Variants in CSMD1 observed in about 807,000 individuals in gnomAD.
The protein encoded by CSMD1 is CUB and sushi domain-containing protein 1.
A neutral mutation model predicts 417.5 loss-of-function variants in CSMD1; 213 were observed. The observed-to-expected ratio is 0.51, with a 90% CI of 0.46 to 0.57. The LOEUF is 0.57. Among genes scored for constraint, CSMD1 ranks in the 20% least tolerant of loss-of-function variants. The pLI, the probability that CSMD1 is intolerant of heterozygous loss-of-function variation, is 0.00. For synonymous variants in CSMD1, 2,862 were observed against 1,736.8 expected, an observed-to-expected ratio of 1.65 and a Z score of -16.11; for missense variants, 6,923 against 4,529.7, an observed-to-expected ratio of 1.53 and a Z score of -15.17.
intron 1 of CSMD1, among the ~76,000 whole-genome samples, chr8:4,892,104 T>G (rs1488404836): frequency 1.3e-5 from 2 of 152,098 alleles, no homozygotes; most frequent in Non-Finnish European, 2.9e-5. Context: ...GCTATTTTCT[T>G]CCTCTCTGTC....
At chr8:3,147,018 A>C (rs543487251) in intron 40 of CSMD1, among the ~76,000 whole-genome samples, 5 of 152,250 alleles carry the variant, frequency 3.3e-5, no homozygotes, top group Admixed American at 2.0e-4. Context: ...AGAAGGGGCA[A>C]TAACGTCTTA....
At chr8:4,169,409 G>A (rs569515875) in intron 3 of CSMD1, among the ~76,000 whole-genome samples, 6 of 152,158 alleles carry the variant, frequency 3.9e-5, no homozygotes, top group South Asian at 2.1e-4. Flanking sequence ...GTAAATACTC[G>A]TCTTTTTCTC....
intron 1 of CSMD1, among the ~76,000 whole-genome samples, chr8:4,948,539 T>A (rs1585388693): frequency 6.6e-6 from 1 of 152,066 alleles, no homozygotes; most frequent in Admixed American, 6.6e-5. Context: ...ATACTGGTTT[T>A]GTAAATCTGC....
intron 1 of CSMD1, among the ~76,000 whole-genome samples, chr8:4,663,321 G>A (rs1416464539): frequency 6.6e-6 from 1 of 152,192 alleles, no homozygotes; most frequent in Non-Finnish European, 1.5e-5. Context: ...CTTTTTAAAG[G>A]GGAAAGAGCA....
In CSMD1 at chr8:4,632,277, C is replaced by T. The variant is rs529889936; in HGVS notation, c.302+5065G>A. Among the ~76,000 whole-genome samples the T allele has an allele frequency of 6.6e-5, 10 of 152,216 alleles. No individual in the cohort carries two copies. In the South Asian group the frequency reaches 8.3e-4, roughly 13 times the overall value. ...ACATATCTTCCAGCACTTTGGGAGG[C>T]CGAGGTGGGCAGATCACCTGAGGTC... On this transcript the variant is annotated intron_variant, in intron 2 of 69. Coordinates refer to ENST00000635120, the MANE Select transcript of CSMD1 (RefSeq NM_033225.6).
At chr8:3,662,390 T>A (rs770963227) in intron 7 of CSMD1, among the ~76,000 whole-genome samples, 5 of 152,228 alleles carry the variant, frequency 3.3e-5, no homozygotes, top group Admixed American at 3.3e-4. Flanking sequence ...CTAACTTAAA[T>A]ATATGAATGT....
chr8:3,787,087 T>C (rs1799493346), intron 5 of CSMD1, among the ~76,000 whole-genome samples: 1 of 152,140 alleles, frequency 6.6e-6, no homozygotes, highest in African/African-American at 2.4e-5. Context: ...TACAGAGGGT[T>C]AAACCAAGCT....
chr8:3,618,637 T>A (rs1389345297), intron 7 of CSMD1, among the ~76,000 whole-genome samples: 2 of 152,158 alleles, frequency 1.3e-5, no homozygotes. Flanking sequence ...GCTCCAGACC[T>A]GTATTTCCCT....
chr8:4,728,155 A>G (rs145127362), intron 1 of CSMD1, among the ~76,000 whole-genome samples: 3,673 of 147,220 alleles, frequency 0.025, 60 homozygotes, highest in Non-Finnish European at 0.038. Context: ...TCAAATATAT[A>G]TATTTTATAT....
At chr8:3,815,699 T>C (rs1344837284) in intron 5 of CSMD1, among the ~76,000 whole-genome samples, 2 of 152,058 alleles carry the variant, frequency 1.3e-5, no homozygotes, top group Non-Finnish European at 2.9e-5. Flanking sequence ...TGGTGACTTT[T>C]TCATACTCTG....
chr8:4,311,802 G>A (rs1254626800), intron 3 of CSMD1, among the ~76,000 whole-genome samples: 2 of 151,728 alleles, frequency 1.3e-5, no homozygotes, highest in South Asian at 2.1e-4. Flanking sequence ...ACACACACTA[G>A]GGCCTAGTGG....
chr8:4,041,501 C>T (rs977388985), intron 3 of CSMD1, among the ~76,000 whole-genome samples: 1 of 152,094 alleles, frequency 6.6e-6, no homozygotes, highest in Non-Finnish European at 1.5e-5. Flanking sequence ...AATAGTCAAC[C>T]AAACCCCAGT....
chr8:4,320,301 C>G (rs1451020450), intron 3 of CSMD1, among the ~76,000 whole-genome samples: 1 of 152,130 alleles, frequency 6.6e-6, no homozygotes, highest in Non-Finnish European at 1.5e-5. Context: ...AGAGTGTTCA[C>G]CTTATAATAC....
In CSMD1 at chr8:3,895,605, C is replaced by T. The variant is rs116853614; in HGVS notation, c.818+102298G>A. Among the ~76,000 whole-genome samples, 462 of 152,110 alleles carry T rather than the reference C, an allele frequency of 3.0e-3. 1 individual carries two copies. The highest frequency in any genetic ancestry group is 0.02 in the Middle Eastern group (6 of 294). On this transcript the variant is annotated intron_variant, in intron 5 of 69. Coordinates refer to ENST00000635120, the MANE Select transcript of CSMD1 (RefSeq NM_033225.6). ...ACCTTTCTAATGCCCATATATGTAC[C>T]ATTTAGTAAAGTCTCAAAAAGGGAA...
intron 3 of CSMD1, among the ~76,000 whole-genome samples, chr8:4,155,135 T>A (rs1248305609): frequency 3.3e-5 from 5 of 152,180 alleles, no homozygotes; most frequent in Non-Finnish European, 7.3e-5. Context: ...ATTGTTCCCA[T>A]GCTACAGATG....
chr8:3,943,114 T>C (rs1810991595), intron 5 of CSMD1, among the ~76,000 whole-genome samples: 1 of 152,140 alleles, frequency 6.6e-6, no homozygotes, highest in Non-Finnish European at 1.5e-5. Flanking sequence ...TCGGAATTTA[T>C]GTTTGTCATT....
At chr8:3,805,268 A>T (rs1238172925) in intron 5 of CSMD1, among the ~76,000 whole-genome samples, 2 of 152,290 alleles carry the variant, frequency 1.3e-5, no homozygotes, top group East Asian at 3.9e-4. Context: ...CTCCTAGGGC[A>T]TCAGCATCGC....
chr8:4,707,186 T>G lies in CSMD1; in HGVS notation c.86-69628A>C, dbSNP rs897670518. Reference sequence around the variant, plus strand: ...TAATAACTTCCTCTTATTGAATAGTTATTGCACTCTAGACACTGTTGTTAA... The same window carrying G: ...TAATAACTTCCTCTTATTGAATAGTGATTGCACTCTAGACACTGTTGTTAA... On this transcript the variant is annotated intron_variant, in intron 1 of 69. Transcript: ENST00000635120. 5.9e-5 allele frequency among the ~76,000 whole-genome samples: 9 copies of G among 152,342 alleles called. No homozygotes were observed. The South Asian group carries it at 1.4e-3, about 25-fold the overall frequency.
At chr8:4,176,411 T>C (rs910936676) in intron 3 of CSMD1, among the ~76,000 whole-genome samples, 2 of 152,120 alleles carry the variant, frequency 1.3e-5, no homozygotes, top group African/African-American at 4.8e-5. Flanking sequence ...TTTTCTCTTA[T>C]TTACCATGAT....
Sources: allele counts gnomAD v4.1 joint callset (sites outside exome capture counted in the v4.1 genomes callset), GRCh38; gene constraint gnomAD v4.1.1; transcripts MANE v1.5; gene names NCBI Gene and HGNC (gene_info 2026-07-23, HGNC 2026-07-21).